UBE3D: variants seen among roughly 807,000 people sequenced by gnomAD.
UBE3D encodes the protein ubiquitin protein ligase E3D, also known as E3 ubiquitin-protein ligase E3D.
UBE3D carries 48 observed loss-of-function variants against 49.6 expected under a neutral mutation model. The observed-to-expected ratio is 0.97, with a 90% CI of 0.77 to 1.23. The LOEUF (loss-of-function observed/expected upper bound fraction) is 1.23, where lower values mean the gene tolerates loss of function less well. UBE3D is among the 50% of genes most tolerant of loss of function. UBE3D has a pLI of 0.00. For missense variants in UBE3D, 452 were observed against 468.4 expected (o/e 0.96, Z 0.32); for synonymous variants, 189 against 174.2 (o/e 1.08, Z -0.67).
rs80321900 is a variant in UBE3D at position 82,974,308 on chromosome 6, T to A, written c.1011-16858A>T. Among the ~76,000 whole-genome samples, 531 of 152,208 alleles carry A rather than the reference T, an allele frequency of 3.5e-3. 8 individuals are homozygous for A. In the East Asian group the frequency reaches 0.049, roughly 14 times the overall value. On this transcript the variant is annotated intron_variant, in intron 8 of 9. Transcript: ENST00000369747. ...GGTTGGGGACTGCTGCTGTACAGTG[T>A]ATGTGTGTACAGTGATCCCTACGTA...
intron 8 of UBE3D, among the ~76,000 whole-genome samples, chr6:82,990,149 G>A (rs1221746670): frequency 6.6e-6 from 1 of 152,148 alleles, no homozygotes; most frequent in Non-Finnish European, 1.5e-5. Flanking sequence ...TTAGCTGGGT[G>A]GCTCTGGTTT....
intron 8 of UBE3D, among the ~76,000 whole-genome samples, chr6:83,012,484 T>C (rs780816949): frequency 6.6e-6 from 1 of 152,204 alleles, no homozygotes; most frequent in Non-Finnish European, 1.5e-5. Context: ...CCTGCCACCA[T>C]GGGCACTTTC....
chr6:82,905,681 C>A (rs1772049395), intron 9 of UBE3D, among the ~76,000 whole-genome samples: 1 of 152,102 alleles, frequency 6.6e-6, no homozygotes, highest in South Asian at 2.1e-4. Flanking sequence ...TTCACTGCAA[C>A]ATACCAACAA....
At chr6:83,032,737 C>G (rs1259290435) in intron 5 of UBE3D, among the ~76,000 whole-genome samples, 3 of 152,012 alleles carry the variant, frequency 2.0e-5, no homozygotes, top group Non-Finnish European at 4.4e-5. Context: ...ATAGAAGGGA[C>G]CTGGTGGGAA....
rs568482578 is a variant in UBE3D, at chr6:82,922,250, T to A, written c.1150-29208A>T. Among the ~76,000 whole-genome samples the A allele has an allele frequency of 7.2e-5, 11 of 152,250 alleles. No homozygotes were observed. In the South Asian group the frequency reaches 8.3e-4, roughly 11 times the overall value. On this transcript the variant is annotated intron_variant, in intron 9 of 9. Coordinates refer to ENST00000369747, the MANE Select transcript of UBE3D (RefSeq NM_198920.3). ...GAATCATCTTAAACATTTAAAGACATCGAATCAGCAGCTAAAAATTCTTCC... is the reference window on the plus strand; with the variant it reads ...GAATCATCTTAAACATTTAAAGACAACGAATCAGCAGCTAAAAATTCTTCC...
At chr6:82,895,743 G>T (rs1437840665) in intron 9 of UBE3D, among the ~76,000 whole-genome samples, 1 of 152,196 alleles carries the variant, frequency 6.6e-6, no homozygotes, top group Non-Finnish European at 1.5e-5. Context: ...AAGCTCTTAG[G>T]TGACAATGGT....
intron 3 of UBE3D, among the ~76,000 whole-genome samples, chr6:83,053,653 T>A (rs1342558865): frequency 6.6e-6 from 1 of 152,174 alleles, no homozygotes; most frequent in Non-Finnish European, 1.5e-5. Context: ...AATGACAAAA[T>A]TAACCTAATC....
At chr6:82,913,575 T>G (rs543734243) in intron 9 of UBE3D, among the ~76,000 whole-genome samples, 9 of 152,326 alleles carry the variant, frequency 5.9e-5, no homozygotes, top group African/African-American at 2.2e-4. Context: ...CACCATTATC[T>G]TTTCCTCTAT....
At chr6:82,997,515 C>T (rs939207506) in intron 8 of UBE3D, among the ~76,000 whole-genome samples, 1 of 151,996 alleles carries the variant, frequency 6.6e-6, no homozygotes, top group South Asian at 2.1e-4. Flanking sequence ...GTCAGGAGAT[C>T]GAGACCGGCC....
intron 8 of UBE3D, among the ~76,000 whole-genome samples, chr6:82,960,896 C>A (rs1414964471): frequency 2.0e-5 from 3 of 152,170 alleles, no homozygotes; most frequent in African/African-American, 7.2e-5. Context: ...CTGACCCCAA[C>A]TCCTGCCACC....
At chr6:83,047,266 C>T (rs1008305111) in intron 3 of UBE3D, among the ~76,000 whole-genome samples, 5 of 152,120 alleles carry the variant, frequency 3.3e-5, no homozygotes, top group South Asian at 2.1e-4. Flanking sequence ...ACACTGCTTA[C>T]GGTAAAAATG....
the UBE3D span, among the ~76,000 whole-genome samples, chr6:82,882,018 T>G: frequency 6.6e-6 from 1 of 152,200 alleles, no homozygotes; most frequent in Non-Finnish European, 1.5e-5. Context: ...CATTTGTCCC[T>G]GCTGCTGCTC....
chr6:83,038,366 C>A, intron 5 of UBE3D, 50 bp downstream of exon 5: 1 of 1,418,318 alleles, frequency 7.1e-7, no homozygotes, highest in South Asian at 1.2e-5. Flanking sequence ...ATCATTCTGG[C>A]TTTTAAGCAA....
Position 83,057,943 on chromosome 6 carries a change from T to C in UBE3D, c.157A>G (p.Thr53Ala), listed in dbSNP as rs779971163. The C allele has an allele frequency of 3.1e-6, 5 of 1,614,086 alleles. No homozygotes were observed. The African/African-American group carries it at 6.7e-5, about 22-fold the overall frequency. Residue 53 changes from threonine (T) to alanine (A), a missense_variant, in exon 2 of 10, where the codon ACA (threonine) becomes GCA (alanine). Physicochemically the swap from Thr to Ala is moderately conservative, Grantham distance 58. Coordinates refer to ENST00000369747, the MANE Select transcript of UBE3D (RefSeq NM_198920.3). Reference sequence around the variant, plus strand: ...ACCTCTGCTGGAAGCTGGATTTCTGTGCAGCCTTCAGGGGTTTTCATCTGG... The same window carrying C: ...ACCTCTGCTGGAAGCTGGATTTCTGCGCAGCCTTCAGGGGTTTTCATCTGG... ...SLQMKTPEGC[T>A]EIQLPAEVRL...
chr6:82,884,096 C>T, the UBE3D span, among the ~76,000 whole-genome samples: 1 of 152,172 alleles, frequency 6.6e-6, no homozygotes, highest in Non-Finnish European at 1.5e-5. Context: ...AATTTTAAAA[C>T]ATTAAAAAGA....
At chr6:82,899,858 A>T (rs1462603317) in intron 9 of UBE3D, among the ~76,000 whole-genome samples, 1 of 151,438 alleles carries the variant, frequency 6.6e-6, no homozygotes, top group Non-Finnish European at 1.5e-5. Flanking sequence ...AACTTTACTA[A>T]TGAGAGCAAA....
At chr6:83,012,028 T>C (rs573214643) in intron 8 of UBE3D, among the ~76,000 whole-genome samples, 3 of 152,292 alleles carry the variant, frequency 2.0e-5, no homozygotes, top group African/African-American at 7.2e-5. Context: ...CAAAAGGCCA[T>C]TCCACTGTTC....
At chr6:83,044,932 T>C (rs967883247) in intron 3 of UBE3D, among the ~76,000 whole-genome samples, 4 of 152,206 alleles carry the variant, frequency 2.6e-5, no homozygotes, top group African/African-American at 4.8e-5. Flanking sequence ...AAAAGATATA[T>C]CTGTACATAT....
intron 8 of UBE3D, 124 bp from the exon 9 acceptor site, chr6:82,957,574 T>A: frequency 1.7e-6 from 2 of 1,164,758 alleles, no homozygotes; most frequent in Non-Finnish European, 2.4e-6. Flanking sequence ...AGAAATAAAC[T>A]ATATTAAAAA....
Sources: allele counts gnomAD v4.1 joint callset (sites outside exome capture counted in the v4.1 genomes callset), GRCh38; gene constraint gnomAD v4.1.1; transcripts MANE v1.5; gene names NCBI Gene and HGNC (gene_info 2026-07-23, HGNC 2026-07-21).